PIGU: variants seen among roughly 807,000 people sequenced by gnomAD.
The protein encoded by PIGU is phosphatidylinositol glycan anchor biosynthesis class U.
In PIGU, 24 loss-of-function variants were observed where a neutral mutation model predicts 49.9. That is an observed-to-expected ratio of 0.48 (90% CI 0.35 to 0.68). The LOEUF is 0.68. PIGU is among the 30% of genes least tolerant of loss of function. The pLI is 0.01. For missense variants in PIGU, 490 were observed against 532.6 expected, an observed-to-expected ratio of 0.92 and a Z score of 0.79; for synonymous variants, 220 against 205.7, an observed-to-expected ratio of 1.07 and a Z score of -0.59.
rs951517513 is a variant in PIGU, at chr20:34,573,249, GA to G, written c.1194+1854del. Among the ~76,000 whole-genome samples the G allele has an allele frequency of 6.0e-5, 9 of 150,478 alleles. No homozygotes were observed. In the East Asian group the frequency reaches 1.6e-3, roughly 26 times the overall value. ...AAAATACATTTTAAAAAGAGATTAAGAAAAAAAAAGGTAAGAGATCATGCCA... is the reference window on the plus strand; with the variant it reads ...AAAATACATTTTAAAAAGAGATTAAGAAAAAAAAGGTAAGAGATCATGCCA... On this transcript the variant is annotated intron_variant, in intron 11 of 11. Transcript: ENST00000217446.
chr20:34,581,717 C>T (rs1450788165), intron 9 of PIGU, 45 bp from the exon 10 acceptor site: 1 of 1,601,884 alleles, frequency 6.2e-7, no homozygotes, highest in Non-Finnish European at 8.5e-7. Flanking sequence ...AGTCAGGGAC[C>T]AGGCCTACCC....
At chr20:34,653,512 TTC>T (rs1295919665) in intron 2 of PIGU, among the ~76,000 whole-genome samples, 2 of 151,976 alleles carry the variant, frequency 1.3e-5, no homozygotes, top group African/African-American at 2.4e-5. Context: ...TGAAATTTGT[TTC>T]TTTTTTTTAC....
chr20:34,575,296 C>T, intron 10 of PIGU, 50 bp from the exon 11 acceptor site: 1 of 1,587,590 alleles, frequency 6.3e-7, no homozygotes, highest in South Asian at 1.1e-5. Flanking sequence ...CTCTGGCATG[C>T]TTTCCCTGCT....
chr20:34,641,314 C>T (rs1322915624), intron 4 of PIGU, among the ~76,000 whole-genome samples: 1 of 152,170 alleles, frequency 6.6e-6, no homozygotes, highest in Non-Finnish European at 1.5e-5. Context: ...CCACCCCTGT[C>T]CCTACTCCTC....
chr20:34,621,021 C>T (rs1985200403), intron 6 of PIGU, among the ~76,000 whole-genome samples: 1 of 152,074 alleles, frequency 6.6e-6, no homozygotes, highest in African/African-American at 2.4e-5. Flanking sequence ...ACATAGCTGA[C>T]TCCGGTACCC....
chr20:34,575,650 C>G (rs1018928910), intron 10 of PIGU, among the ~76,000 whole-genome samples: 1 of 152,236 alleles, frequency 6.6e-6, no homozygotes, highest in East Asian at 1.9e-4. Context: ...TGGGTGGGAA[C>G]CCCAGCATGA....
At chr20:34,645,502 G>C (rs1005410774) in intron 2 of PIGU, among the ~76,000 whole-genome samples, 168 bp from the exon 3 acceptor site, 19 of 152,134 alleles carry the variant, frequency 1.2e-4, no homozygotes, top group African/African-American at 4.3e-4. Context: ...TTATAGGGGA[G>C]AATAATTTAG....
At position 34,652,116 on chromosome 20, in the gene PIGU, C is replaced by G. The variant is rs144703053; in HGVS notation, c.195+5064G>C. On this transcript the variant is annotated intron_variant, in intron 2 of 11. Transcript: ENST00000217446. ...CCAGGATCAAGCGATCCTCCTACCT[C>G]AGCCTCCTGAGTAACTACAACTACA... Among the ~76,000 whole-genome samples the G allele has an allele frequency of 2.2e-3, 335 of 152,296 alleles. 1 individual carries two copies. The highest frequency in any genetic ancestry group is 7.6e-3 in the African/African-American group (315 of 41,572).
At chr20:34,607,582 T>C (rs1177260754) in intron 7 of PIGU, among the ~76,000 whole-genome samples, 1 of 152,154 alleles carries the variant, frequency 6.6e-6, no homozygotes, top group Non-Finnish European at 1.5e-5. Context: ...GCATTTACCA[T>C]CTCCAATTCA....
At chr20:34,658,754 C>T (rs954158532) in intron 1 of PIGU, among the ~76,000 whole-genome samples, 15 of 149,182 alleles carry the variant, frequency 1.0e-4, no homozygotes, top group East Asian at 4.1e-4. Context: ...CCCCTCCGCC[C>T]GGCAGCCGCC....
chr20:34,585,592 A>G lies in PIGU; in HGVS notation c.783-12T>C, dbSNP rs2146710375. ...CTGGAACAGAAAGTCTGGAATTAAG[A>G]AAACAAAGGGAGAGAAAAAAGACAA... On this transcript the variant is annotated splice_polypyrimidine_tract_variant and intron_variant, in intron 8 of 11. Transcript: ENST00000217446. 1 of 1,611,370 alleles carries G rather than the reference A, an allele frequency of 6.2e-7. No homozygotes were observed. Among genetic ancestry groups the G allele is most frequent in the Non-Finnish European group, 8.5e-7 (1 of 1,178,556 alleles).
chr20:34,563,488 A>G (rs1982615292), intron 11 of PIGU, among the ~76,000 whole-genome samples: 1 of 152,232 alleles, frequency 6.6e-6, no homozygotes. Flanking sequence ...GAATGGTTTG[A>G]ACCTGGGAGG....
chr20:34,617,016 A>G (rs1004069018), intron 6 of PIGU, among the ~76,000 whole-genome samples: 7 of 152,222 alleles, frequency 4.6e-5, no homozygotes, highest in Non-Finnish European at 7.4e-5. Context: ...AGGCTGAGGC[A>G]GAAGAATTGC....
rs1983659433 is a variant in PIGU at position 34,585,429 on chromosome 20, C to A, written c.926+8G>T. Reference sequence around the variant, plus strand: ...GTACACACAGCAGCAGCAGGTCCAGCCACTTACTTTAGCTTTATGGCTAAG... The same window carrying A: ...GTACACACAGCAGCAGCAGGTCCAGACACTTACTTTAGCTTTATGGCTAAG... On this transcript the variant is annotated splice_region_variant and intron_variant, in intron 9 of 11. Coordinates refer to ENST00000217446, the MANE Select transcript of PIGU (RefSeq NM_080476.5). 6.2e-7 allele frequency: 1 copy of A among 1,613,762 alleles called. No individual in the cohort carries two copies. The highest frequency in any genetic ancestry group is 1.7e-5 in the Admixed American group (1 of 59,964).
At chr20:34,662,554 C>T (rs1275815207) in intron 1 of PIGU, among the ~76,000 whole-genome samples, 1 of 151,964 alleles carries the variant, frequency 6.6e-6, no homozygotes, top group Non-Finnish European at 1.5e-5. Context: ...GCCACCAGAC[C>T]ACCTAATTTT....
At position 34,587,480 on chromosome 20, in the gene PIGU, A is replaced by T. The variant is rs142093850; in HGVS notation, c.782+973T>A. Among the ~76,000 whole-genome samples, 451 of 152,334 alleles carry T rather than the reference A, an allele frequency of 3.0e-3. 2 individuals are homozygous for T. The highest frequency in any genetic ancestry group is 0.01 in the African/African-American group (429 of 41,580). On this transcript the variant is annotated intron_variant, in intron 8 of 11. Coordinates refer to ENST00000217446, the MANE Select transcript of PIGU (RefSeq NM_080476.5). Reference sequence around the variant, plus strand: ...AACATTTCCATCACTTCAAATATTAAACATTGTTTGTGGTGGGAACGATTG... The same window carrying T: ...AACATTTCCATCACTTCAAATATTATACATTGTTTGTGGTGGGAACGATTG...
intron 11 of PIGU, among the ~76,000 whole-genome samples, chr20:34,567,613 A>T (rs1235815880): frequency 6.6e-6 from 1 of 151,996 alleles, no homozygotes; most frequent in Non-Finnish European, 1.5e-5. Context: ...TTTTCAGAGC[A>T]TGGATCTGAT....
rs1348305699 is a variant in PIGU, at chr20:34,566,156, C to A, written c.1195-5177G>T. Among the ~76,000 whole-genome samples the A allele has an allele frequency of 2.0e-5, 3 of 152,218 alleles. No individual in the cohort carries two copies. The East Asian group carries it at 5.8e-4, about 29-fold the overall frequency. ...CCCTGGCTCCCCCTGCCCTGCCCAG[C>A]AGCGCTGCAGCTCCCACCTATCCCT... On this transcript the variant is annotated intron_variant, in intron 11 of 11. Coordinates refer to ENST00000217446, the MANE Select transcript of PIGU (RefSeq NM_080476.5).
intron 6 of PIGU, among the ~76,000 whole-genome samples, chr20:34,623,123 A>C (rs962221965): frequency 6.6e-6 from 1 of 152,152 alleles, no homozygotes; most frequent in Non-Finnish European, 1.5e-5. Context: ...CAAGTGGAGT[A>C]ATCAGAGAAT....
Sources: allele counts gnomAD v4.1 joint callset (sites outside exome capture counted in the v4.1 genomes callset), GRCh38; gene constraint gnomAD v4.1.1; transcripts MANE v1.5; gene names NCBI Gene and HGNC (gene_info 2026-07-23, HGNC 2026-07-21).